The following TCF12 variants were observed in gnomAD, a reference collection of about 807,000 sequenced individuals.
TCF12 encodes DNA-binding protein HTF4.
In TCF12, 45 loss-of-function variants were observed where a neutral mutation model predicts 86.0. The ratio of observed to expected loss-of-function variants is 0.52; its 90% CI spans 0.41 to 0.67. The LOEUF is 0.67. TCF12 is among the 30% of genes least tolerant of loss of function. TCF12 has a pLI of 0.00. For synonymous variants in TCF12, 330 were observed against 299.6 expected (o/e 1.10, Z -1.05); for missense variants, 881 against 859.9 (o/e 1.02, Z -0.31).
chr15:57,223,645 T>TG (rs2058714340), intron 8 of TCF12, among the ~76,000 whole-genome samples: 1 of 55,274 alleles, frequency 1.8e-5, no homozygotes, highest in African/African-American at 2.2e-4. Context: ...CCAATGAGGT[T>TG]TTTTTTTTTT....
intron 3 of TCF12, among the ~76,000 whole-genome samples, chr15:56,923,349 T>G (rs538827328): frequency 6.6e-6 from 1 of 152,244 alleles, no homozygotes; most frequent in South Asian, 2.1e-4. Context: ...GGCTGAGTTA[T>G]TTATGAGTGT....
chr15:56,950,363 T>C (rs1417392406), intron 3 of TCF12, among the ~76,000 whole-genome samples: 3 of 152,122 alleles, frequency 2.0e-5, no homozygotes, highest in Admixed American at 1.3e-4. Flanking sequence ...GTAGCTGGGA[T>C]TGCAGGTGCA....
At chr15:56,921,315 T>C (rs2059781406) in intron 3 of TCF12, among the ~76,000 whole-genome samples, 1 of 152,106 alleles carries the variant, frequency 6.6e-6, no homozygotes, top group Non-Finnish European at 1.5e-5. Flanking sequence ...TTATTTAAAA[T>C]GTTAGTGGGG....
At chr15:57,044,692 CAT>C (rs766556343) in intron 3 of TCF12, among the ~76,000 whole-genome samples, 2 of 151,238 alleles carry the variant, frequency 1.3e-5, no homozygotes, top group Non-Finnish European at 2.9e-5. Context: ...TGACTTTAGT[CAT>C]GTGATTTTTC....
At chr15:57,028,813 T>C (rs1471263575) in intron 3 of TCF12, among the ~76,000 whole-genome samples, 1 of 152,062 alleles carries the variant, frequency 6.6e-6, no homozygotes, top group Non-Finnish European at 1.5e-5. Flanking sequence ...TTTTTTTTTC[T>C]TTTTGGAGGC....
intron 4 of TCF12, among the ~76,000 whole-genome samples, chr15:57,066,229 TC>T (rs1264188904): frequency 1.9e-4 from 29 of 152,142 alleles, no homozygotes; most frequent in African/African-American, 7.0e-4. Context: ...CTTGACCATT[TC>T]TTTCATAATC....
At chr15:57,132,541 G>A (rs934610168) in intron 5 of TCF12, among the ~76,000 whole-genome samples, 11 of 152,262 alleles carry the variant, frequency 7.2e-5, no homozygotes, top group African/African-American at 2.2e-4. Flanking sequence ...TCTGATGATT[G>A]ATGTTCCTAA....
At chr15:57,050,147 G>C (rs1462845439) in intron 3 of TCF12, among the ~76,000 whole-genome samples, 1 of 152,076 alleles carries the variant, frequency 6.6e-6, no homozygotes, top group Non-Finnish European at 1.5e-5. Flanking sequence ...AATGTTGCAA[G>C]GTTTTCAAAA....
At chr15:57,279,827 A>G (rs939217972) in intron 19 of TCF12, among the ~76,000 whole-genome samples, 34 of 149,402 alleles carry the variant, frequency 2.3e-4, no homozygotes, top group African/African-American at 7.9e-4. Context: ...ATGCTAATCC[A>G]TGCCATCTTC....
intron 3 of TCF12, among the ~76,000 whole-genome samples, chr15:57,059,590 G>A (rs1001423228): frequency 8.5e-5 from 13 of 152,100 alleles, no homozygotes; most frequent in Non-Finnish European, 1.3e-4. Context: ...AGGAACTGGT[G>A]TTCATGTCAG....
chr15:56,923,888 T>C (rs1460875024), intron 3 of TCF12, among the ~76,000 whole-genome samples: 1 of 152,152 alleles, frequency 6.6e-6, no homozygotes, highest in Non-Finnish European at 1.5e-5. Flanking sequence ...CTTTTTCTTA[T>C]TGAATTCAGA....
At chr15:57,145,259 A>G (rs1386895989) in intron 5 of TCF12, among the ~76,000 whole-genome samples, 1 of 152,196 alleles carries the variant, frequency 6.6e-6, no homozygotes, top group East Asian at 1.9e-4. Flanking sequence ...AGTATTGGTA[A>G]TGTGTTACAG....
At chr15:56,952,705 A>C (rs779339636) in intron 3 of TCF12, among the ~76,000 whole-genome samples, 1 of 152,206 alleles carries the variant, frequency 6.6e-6, no homozygotes, top group East Asian at 1.9e-4. Context: ...ATACAATTTT[A>C]TATAGCGACA....
chr15:57,259,454 C>G (rs1465497708), intron 16 of TCF12, among the ~76,000 whole-genome samples: 1 of 152,242 alleles, frequency 6.6e-6, no homozygotes, highest in Non-Finnish European at 1.5e-5. Context: ...CACAAGACCT[C>G]TCTTATTCAT....
chr15:57,238,486 A>G (rs2059470677), intron 12 of TCF12, among the ~76,000 whole-genome samples: 1 of 152,192 alleles, frequency 6.6e-6, no homozygotes, highest in Non-Finnish European at 1.5e-5. Flanking sequence ...ATTCCCAGAA[A>G]TAGTGAAACC....
intron 7 of TCF12, among the ~76,000 whole-genome samples, chr15:57,197,122 C>CCTAGT (rs1209505167): frequency 6.8e-6 from 1 of 148,086 alleles, no homozygotes; most frequent in Non-Finnish European, 1.5e-5. Context: ...CTGTAAAGTA[C>CCTAGT]CTAGTATAGT....
intron 3 of TCF12, among the ~76,000 whole-genome samples, chr15:56,921,531 A>C (rs1358547754): frequency 6.6e-6 from 1 of 152,038 alleles, no homozygotes; most frequent in African/African-American, 2.4e-5. Flanking sequence ...ATTTTTCTTA[A>C]GTATGCATTT....
intron 3 of TCF12, among the ~76,000 whole-genome samples, chr15:56,960,577 C>G (rs2061701715): frequency 1.3e-5 from 2 of 151,782 alleles, no homozygotes; most frequent in Admixed American, 6.6e-5. Flanking sequence ...GTACAGGCAT[C>G]TGCCACCATG....
intron 5 of TCF12, 54 bp from the exon 6 acceptor site, chr15:57,166,348 T>C (rs2054889590): frequency 5.5e-6 from 8 of 1,453,714 alleles, no homozygotes; most frequent in Non-Finnish European, 7.6e-6. Context: ...AGCAGTTTGA[T>C]TGTCTGTCAA....
Sources: gnomAD v4.1 joint callset for allele counts (sites outside exome capture counted in the v4.1 genomes callset) on GRCh38, gnomAD v4.1.1 for gene constraint, MANE v1.5 for transcripts, NCBI Gene and HGNC (gene_info 2026-07-23, HGNC 2026-07-21) for gene names.